WHAMM: variants seen among roughly 807,000 people sequenced by gnomAD.
WHAMM encodes WASP homolog associated with actin, golgi membranes and microtubules, also known as WASP homolog-associated protein with actin, membranes and microtubules.
WHAMM carries 67 observed loss-of-function variants against 76.5 expected under a neutral mutation model. The ratio of observed to expected loss-of-function variants is 0.88; its 90% CI spans 0.72 to 1.07. The LOEUF (loss-of-function observed/expected upper bound fraction) is 1.07. Among genes scored for constraint, WHAMM ranks in the 50% least tolerant of loss-of-function variants. WHAMM has a pLI of 0.00. For missense variants in WHAMM, 1,021 were observed against 1,051.1 expected, an observed-to-expected ratio of 0.97 and a Z score of 0.40; for synonymous variants, 419 against 422.1, an observed-to-expected ratio of 0.99 and a Z score of 0.09.
At chr15:82,821,442 T>G (rs1384123189) in intron 5 of WHAMM, among the ~76,000 whole-genome samples, 2 of 152,212 alleles carry the variant, frequency 1.3e-5, no homozygotes, top group African/African-American at 2.4e-5. Context: ...GAATTGAACC[T>G]TTCCCTCAAA....
intron 5 of WHAMM, among the ~76,000 whole-genome samples, chr15:82,822,880 T>C (rs1435434269): frequency 1.3e-5 from 2 of 150,686 alleles, no homozygotes; most frequent in East Asian, 2.0e-4. Flanking sequence ...ATGCATACAC[T>C]ACATGGATAT....
chr15:82,827,469 A>G (rs765184160), intron 8 of WHAMM, among the ~76,000 whole-genome samples: 3 of 152,184 alleles, frequency 2.0e-5, no homozygotes, highest in Non-Finnish European at 4.4e-5. Context: ...AAAAGCTGCT[A>G]TGAAAATTCA....
chr15:82,813,293 T>C lies in WHAMM; in HGVS notation c.783+17T>C. ...GATATTTTGGTATGTTTTTTTAAAATTTTTACTTTATCAGATTTACTATTT... is the reference window on the plus strand; with the variant it reads ...GATATTTTGGTATGTTTTTTTAAAACTTTTACTTTATCAGATTTACTATTT... On this transcript the variant is annotated intron_variant, in intron 2 of 9. Coordinates refer to ENST00000286760, the MANE Select transcript of WHAMM (RefSeq NM_001080435.3). The C allele has an allele frequency of 6.7e-7, 1 of 1,498,526 alleles. No individual in the cohort carries two copies. The highest frequency in any genetic ancestry group is 1.3e-5 in the South Asian group (1 of 74,348). 92.8% of individuals were successfully genotyped at this position (1,498,526 alleles called of 1,614,324 possible). A position where few individuals can be genotyped will look rare whatever the true frequency, so the allele number is the denominator to read the frequency against.
chr15:82,818,107 A>C lies in WHAMM; in HGVS notation c.1104+18A>C. 10 of 1,525,172 alleles carry C rather than the reference A, an allele frequency of 6.6e-6. No individual in the cohort carries two copies. The highest frequency in any genetic ancestry group is 8.8e-6 in the Non-Finnish European group (10 of 1,133,332). The allele number at this position is 1,525,172 out of a possible 1,614,324, so 94.5% of individuals were successfully genotyped here. ...AGGGAAAGGTAAGACAAAGATAAAC[A>C]TAACTTTGTTTTAAAAATACACTTT... On this transcript the variant is annotated intron_variant, in intron 4 of 9. Coordinates refer to ENST00000286760, the MANE Select transcript of WHAMM (RefSeq NM_001080435.3).
intron 2 of WHAMM, among the ~76,000 whole-genome samples, chr15:82,814,434 T>G (rs183647024): frequency 2.7e-4 from 41 of 152,340 alleles, no homozygotes; most frequent in African/African-American, 9.9e-4. Flanking sequence ...AAAGTCTACT[T>G]CTTGCATACA....
chr15:82,833,569 G>GGT lies in WHAMM; in HGVS notation c.*34_*35insTG. 6.2e-7 allele frequency: 1 copy of GGT among 1,604,756 alleles called. No individual in the cohort carries two copies. On this transcript the variant is annotated 3_prime_UTR_variant, in exon 10 of 10. Coordinates refer to ENST00000286760, the MANE Select transcript of WHAMM (RefSeq NM_001080435.3). ...TTTGACAAAGGCACCTGCCACAGTA[G>GGT]GCTTGAATAAAGTGGGTGAGTCTTA...
intron 6 of WHAMM, among the ~76,000 whole-genome samples, chr15:82,823,582 T>C (rs1300997134): frequency 6.7e-6 from 1 of 148,708 alleles, no homozygotes; most frequent in Non-Finnish European, 1.5e-5. Context: ...TTTTATTTTT[T>C]TGAGACAGAG....
Position 82,820,335 on chromosome 15 carries a change from T to A in WHAMM, c.1270+847T>A, listed in dbSNP as rs185380025. Among the ~76,000 whole-genome samples, 279 of 152,340 alleles carry A rather than the reference T, an allele frequency of 1.8e-3. 6 individuals carry two copies. The South Asian group carries it at 0.036, about 20-fold the overall frequency. ...AATGGCTGCATAGTATTCCATTATATGGATATACCATGATTTCCAAATTTC... is the reference window on the plus strand; with the variant it reads ...AATGGCTGCATAGTATTCCATTATAAGGATATACCATGATTTCCAAATTTC... On this transcript the variant is annotated intron_variant, in intron 5 of 9. Transcript: ENST00000286760.
Position 82,809,644 on chromosome 15 carries a change from T to G in WHAMM, c.-83T>G. ...GTTTCGATTCTAGCGAAAAATGATT[T>G]GGCTCGGACTGTCCCGTGACAGGCG... On this transcript the variant is annotated 5_prime_UTR_variant, in exon 1 of 10. Coordinates refer to ENST00000286760, the MANE Select transcript of WHAMM (RefSeq NM_001080435.3). 2 of 1,162,796 alleles carry G rather than the reference T, an allele frequency of 1.7e-6. No individual in the cohort carries two copies. Among genetic ancestry groups the G allele is most frequent in the Non-Finnish European group, 2.2e-6 (2 of 906,880 alleles). The allele number at this position is 1,162,796 out of a possible 1,614,324, so 72.0% of individuals were successfully genotyped here. A position where few individuals can be genotyped will look rare whatever the true frequency, so the allele number is the denominator to read the frequency against.
Position 82,833,254 on chromosome 15 carries a change from C to T in WHAMM, c.2148C>T (p.Ser716=). Residue 716 remains serine, a synonymous_variant, in exon 10 of 10, where the codon TCC becomes TCT. Coordinates refer to ENST00000286760, the MANE Select transcript of WHAMM (RefSeq NM_001080435.3). Reference sequence around the variant, plus strand: ...GATCTATGGATGAAGTGTTGGCCTCCTTAAGGCATGGCAGAGCTCCTCTCC... The same window carrying T: ...GATCTATGGATGAAGTGTTGGCCTCTTTAAGGCATGGCAGAGCTCCTCTCC... ...CPGSMDEVLA[S]LRHGRAPLRK... is the part of the protein sequence containing the mutation. 1 of 1,613,958 alleles carries T rather than the reference C, an allele frequency of 6.2e-7. No homozygotes were observed. The highest frequency in any genetic ancestry group is 8.5e-7 in the Non-Finnish European group (1 of 1,179,878).
chr15:82,817,684 A>C (rs2050749200), intron 3 of WHAMM, among the ~76,000 whole-genome samples: 1 of 152,190 alleles, frequency 6.6e-6, no homozygotes, highest in Non-Finnish European at 1.5e-5. Context: ...AAAATATAAG[A>C]AGCAGTTGCC....
In WHAMM at chr15:82,809,820, G is replaced by T; in HGVS notation, c.94G>T (p.Val32Leu). 1 of 1,604,112 alleles carries T rather than the reference G, an allele frequency of 6.2e-7. No individual in the cohort carries two copies. The highest frequency in any genetic ancestry group is 8.5e-7 in the Non-Finnish European group (1 of 1,176,226). Residue 32 changes from valine to leucine, a missense_variant, in exon 1 of 10, where the codon GTG becomes TTG. Physicochemically the swap from Val to Leu is conservative, Grantham distance 32. Around this residue, in one of 3 missense-constraint regions of WHAMM, gnomAD observed 501 missense variants for 524.9 expected, o/e 0.95. Coordinates refer to ENST00000286760, the MANE Select transcript of WHAMM (RefSeq NM_001080435.3). ...CGAGAGGCACCGGCTGCGCTTCCTGGTGGCCTGGAACGGCGCGGAGGGCAA... is the reference window on the plus strand; with the variant it reads ...CGAGAGGCACCGGCTGCGCTTCCTGTTGGCCTGGAACGGCGCGGAGGGCAA... ...EPERHRLRFLVAWNGAEGKFA... is the reference protein window; with the variant it reads ...EPERHRLRFLLAWNGAEGKFA...
chr15:82,815,152 T>A (rs1296729048), intron 2 of WHAMM, among the ~76,000 whole-genome samples: 16 of 43,184 alleles, frequency 3.7e-4, no homozygotes, highest in Admixed American at 1.7e-3. Flanking sequence ...TATATATATA[T>A]ATAGTACAAT....
chr15:82,829,307 C>CA (rs2050988781), intron 8 of WHAMM, among the ~76,000 whole-genome samples: 1 of 152,148 alleles, frequency 6.6e-6, no homozygotes, highest in East Asian at 1.9e-4. Flanking sequence ...CCCGTCTCTA[C>CA]AAAAAAACAA....
At chr15:82,825,530 G>C (rs895933936) in intron 6 of WHAMM, among the ~76,000 whole-genome samples, 2 of 152,208 alleles carry the variant, frequency 1.3e-5, no homozygotes, top group Admixed American at 1.3e-4. Context: ...TAGTTGAGGT[G>C]AGCTATCAAC....
intron 1 of WHAMM, chr15:82,810,820 CA>C (rs1329720666): frequency 7.6e-6 from 7 of 926,874 alleles, no homozygotes; most frequent in Non-Finnish European, 9.0e-6. Flanking sequence ...TATACTTGGT[CA>C]AATGGAAAGC....
chr15:82,816,888 TCATTTTATTCAAATAC>T, intron 3 of WHAMM, 46 bp downstream of exon 3: 1 of 1,517,426 alleles, frequency 6.6e-7, no homozygotes, highest in Non-Finnish European at 8.9e-7. Context: ...TAATTGATTA[TCATTTTATTCAAATAC>T]CATTTGAGTC....
chr15:82,833,153 A>G, intron 9 of WHAMM, 76 bp from the exon 10 acceptor site: 1 of 1,457,626 alleles, frequency 6.9e-7, no homozygotes, highest in Non-Finnish European at 9.2e-7. Context: ...AGGAGATTTC[A>G]CAATTTCATA....
Position 82,830,716 on chromosome 15 carries a change from C to T in WHAMM, c.1759C>T (p.His587Tyr). The T allele has an allele frequency of 1.9e-6, 3 of 1,613,992 alleles. No individual in the cohort carries two copies. Among genetic ancestry groups the T allele is most frequent in the Non-Finnish European group, 2.5e-6 (3 of 1,179,894 alleles). ...AGCTTCCCACGCGGTGTCAGTAATT[C>T]ACCCGTCCTCTAGGAAAACTAGAGG... Reference protein sequence around the residue: ...LPASHAVSVIHPSSRKTRGVP... With the variant: ...LPASHAVSVIYPSSRKTRGVP... Residue 587 changes from histidine to tyrosine, a missense_variant, in exon 9 of 10, where the codon CAC (histidine) becomes TAC (tyrosine). Around this residue, in one of 3 missense-constraint regions of WHAMM, gnomAD observed 509 missense variants for 492.3 expected, o/e 1.03. Transcript: ENST00000286760.
Sources: allele counts gnomAD v4.1 joint callset (sites outside exome capture counted in the v4.1 genomes callset), GRCh38; gene constraint gnomAD v4.1.1; regional missense constraint gnomAD v4.1.1; transcripts MANE v1.5; gene names NCBI Gene and HGNC (gene_info 2026-07-23, HGNC 2026-07-21).